The following DMD variants were observed in gnomAD, a reference collection of about 807,000 sequenced individuals.
The protein encoded by DMD is dystrophin.
DMD carries 63 observed loss-of-function variants against 330.1 expected under a neutral mutation model. The ratio of observed to expected loss-of-function variants is 0.19; its 90% CI spans 0.16 to 0.24. The LOEUF (loss-of-function observed/expected upper bound fraction) is 0.24. Ranked by LOEUF, DMD falls within the 10% of genes least tolerant of loss-of-function variation. The probability of loss-of-function intolerance (pLI) is 1.00; values close to 1 mark genes in which losing one functional copy is unlikely to be tolerated. For synonymous variants in DMD, 1,223 were observed against 959.8 expected, an observed-to-expected ratio of 1.27 and a Z score of -5.07; for missense variants, 3,344 against 2,684.1, an observed-to-expected ratio of 1.25 and a Z score of -5.43.
intron 2 of DMD, among the ~76,000 whole-genome samples, chrX:32,885,283 AT>A (rs1397542800): frequency 2.7e-5 from 3 of 111,468 alleles, no homozygotes; most frequent in African/African-American, 9.8e-5. Flanking sequence ...GTTATCTTTG[AT>A]TTCGATTAGA....
intron 43 of DMD, among the ~76,000 whole-genome samples, chrX:32,287,146 A>C (rs1190881121): frequency 9.0e-6 from 1 of 111,704 alleles, no homozygotes; most frequent in Non-Finnish European, 1.9e-5. Flanking sequence ...TTTTTTATTG[A>C]TAGGTAGTAT....
chrX:31,284,557 T>TTTCTTCTTCTTCTTCTTCTTTTCTTC (rs2052898728), intron 62 of DMD, among the ~76,000 whole-genome samples: 1 of 78,066 alleles, frequency 1.3e-5, no homozygotes, highest in African/African-American at 5.2e-5. Context: ...TAACGAACTG[T>TTTCTTCTTCTTCTTCTTCTTTTCTTC]TTCTTCTTCT....
At chrX:31,782,093 T>C (rs1286475821) in intron 50 of DMD, among the ~76,000 whole-genome samples, 3 of 111,629 alleles carry the variant, frequency 2.7e-5, no homozygotes, top group East Asian at 2.8e-4. Flanking sequence ...CACAAACTTA[T>C]GGCTGCCAAG....
intron 30 of DMD, among the ~76,000 whole-genome samples, chrX:32,396,740 A>G (rs2098047179): frequency 9.0e-6 from 1 of 111,581 alleles, no homozygotes; most frequent in South Asian, 3.7e-4. Flanking sequence ...TATATTTCCA[A>G]TTGATTCTAC....
intron 7 of DMD, among the ~76,000 whole-genome samples, chrX:32,752,704 C>T (rs2070989607): frequency 9.2e-6 from 1 of 108,224 alleles, no homozygotes; most frequent in African/African-American, 3.4e-5. Flanking sequence ...GAGTCCCCAC[C>T]CAAATCTCAT....
intron 63 of DMD, among the ~76,000 whole-genome samples, chrX:31,245,773 G>T (rs1217285584): frequency 9.0e-6 from 1 of 111,568 alleles, no homozygotes; most frequent in Admixed American, 9.5e-5. Context: ...AAACTTAATT[G>T]ATCAACGTCA....
intron 44 of DMD, among the ~76,000 whole-genome samples, chrX:32,089,062 T>C (rs111941096): frequency 1.8e-4 from 20 of 111,676 alleles, no homozygotes; most frequent in African/African-American, 6.5e-4. Flanking sequence ...TATTTGTTAT[T>C]GGAATTGATG....
At chrX:32,860,778 C>T (rs1488789610) in intron 2 of DMD, among the ~76,000 whole-genome samples, 1 of 110,775 alleles carries the variant, frequency 9.0e-6, no homozygotes, top group African/African-American at 3.3e-5. Flanking sequence ...GCAGCTTCCT[C>T]ACACCCCCTA....
chrX:32,301,222 T>TAAAAAAAAAAAAAAAAAAAAAAAAAA (rs56329666), intron 42 of DMD, among the ~76,000 whole-genome samples: 1 of 74,678 alleles, frequency 1.3e-5, no homozygotes, highest in Non-Finnish European at 2.6e-5. Flanking sequence ...TGCATACATC[T>TAAAAAAAAAAAAAAAAAAAAAAAAAA]AAAAAAAAAA....
rs764831968 is a variant in DMD at position 32,565,938 on chromosome X, T to C, written c.1813-57A>G. ...CTGGGTTGCATTCCATACACCACTA[T>C]AGTTCAATCTGCTTTTGCGTGTATT... On this transcript the variant is annotated intron_variant, in intron 15 of 78. Coordinates refer to ENST00000357033, the MANE Select transcript of DMD (RefSeq NM_004006.3). 21 of 1,021,071 alleles carry C rather than the reference T, an allele frequency of 2.1e-5. No homozygotes were observed. The South Asian group carries it at 2.2e-4, about 10-fold the overall frequency. The allele number at this position is 1,021,071 out of a possible 1,213,427, so 84.1% of individuals were successfully genotyped here.
At chrX:32,678,210 G>A (rs537519059) in intron 9 of DMD, among the ~76,000 whole-genome samples, 1 of 112,091 alleles carries the variant, frequency 8.9e-6, no homozygotes, top group Admixed American at 9.5e-5. Flanking sequence ...ATACTGTATT[G>A]TACACTTAAA....
intron 9 of DMD, among the ~76,000 whole-genome samples, chrX:32,694,248 T>C (rs754688809): frequency 2.7e-5 from 3 of 111,665 alleles, no homozygotes; most frequent in South Asian, 3.8e-4. Flanking sequence ...GGCAATCTTA[T>C]CCTGGCCGAT....
chrX:33,100,246 A>G (rs1430349363), intron 1 of DMD, among the ~76,000 whole-genome samples: 3 of 112,261 alleles, frequency 2.7e-5, no homozygotes, highest in Non-Finnish European at 5.6e-5. Context: ...AAGTTTTACA[A>G]TGCAAAGTTA....
At chrX:32,521,238 G>T (rs1459323775) in intron 17 of DMD, among the ~76,000 whole-genome samples, 1 of 111,734 alleles carries the variant, frequency 8.9e-6, no homozygotes, top group African/African-American at 3.3e-5. Context: ...GGTGCAATCT[G>T]GTCTCACCAC....
In DMD at chrX:31,679,389, T is replaced by A. The variant is rs1211986600; in HGVS notation, c.7858A>T (p.Ile2620Phe). The A allele has an allele frequency of 8.3e-7, 1 of 1,206,588 alleles. No individual in the cohort carries two copies. The highest frequency in any genetic ancestry group is 1.7e-5 in the African/African-American group (1 of 57,333). ...TTGATACTAACCTTGGTTTCTGTGA[T>A]TTTCTTTTGGATTGCATCTACTGTA... is the stretch of plus-strand genomic sequence containing the variant. ...PYTVDAIQKK[I>F]TETKQLAKDL... Residue 2620 changes from isoleucine to phenylalanine, a missense_variant, in exon 53 of 79, where the codon ATC becomes TTC. Ile to Phe is a conservative substitution (Grantham distance 21). Transcript: ENST00000357033.
intron 51 of DMD, among the ~76,000 whole-genome samples, chrX:31,736,387 CAAAG>C (rs2086878371): frequency 9.0e-6 from 1 of 111,008 alleles, no homozygotes; most frequent in African/African-American, 3.3e-5. Flanking sequence ...AGGGAAACGA[CAAAG>C]AAAGTGGTGA....
intron 60 of DMD, among the ~76,000 whole-genome samples, chrX:31,353,225 A>G (rs973615753): frequency 1.1e-4 from 12 of 111,113 alleles, no homozygotes; most frequent in African/African-American, 3.6e-4. Flanking sequence ...ACAATTAGTT[A>G]GTCATGTTGA....
chrX:32,552,520 T>C (rs1181497766), intron 16 of DMD, among the ~76,000 whole-genome samples: 1 of 111,636 alleles, frequency 9.0e-6, no homozygotes, highest in East Asian at 2.8e-4. Context: ...CTGCAAAGAC[T>C]TCATAACAAA....
At chrX:31,165,811 C>A (rs920237969) in intron 74 of DMD, among the ~76,000 whole-genome samples, 2 of 111,380 alleles carry the variant, frequency 1.8e-5, no homozygotes, top group African/African-American at 6.5e-5. Flanking sequence ...TCACTAACAC[C>A]ATTAGTCATC....
Sources: gnomAD v4.1 joint callset for allele counts (sites outside exome capture counted in the v4.1 genomes callset) on GRCh38, gnomAD v4.1.1 for gene constraint, MANE v1.5 for transcripts, NCBI Gene and HGNC (gene_info 2026-07-23, HGNC 2026-07-21) for gene names.